Variants in HNRNPM observed in about 807,000 individuals in gnomAD.
HNRNPM encodes the protein CEA receptor.
A neutral mutation model predicts 73.1 loss-of-function variants in HNRNPM; 11 were observed. The ratio of observed to expected loss-of-function variants is 0.15; its 90% CI spans 0.09 to 0.25. The LOEUF (loss-of-function observed/expected upper bound fraction) is 0.25, where lower values mean the gene tolerates loss of function less well. Among genes scored for constraint, HNRNPM ranks in the 10% least tolerant of loss-of-function variants. The pLI, the probability that HNRNPM is intolerant of heterozygous loss-of-function variation, is 1.00. For missense variants in HNRNPM, 789 were observed against 1,067.9 expected (o/e 0.74, Z 3.64); for synonymous variants, 407 against 355.2 (o/e 1.15, Z -1.64).
At chr19:8,479,028 TCAGTTTTGGTTAGGTGG>T (rs1970705845) in intron 12 of HNRNPM, among the ~76,000 whole-genome samples, 1 of 151,920 alleles carries the variant, frequency 6.6e-6, no homozygotes, top group Non-Finnish European at 1.5e-5. Context: ...AATTATTTTT[TCAGTTTTGGTTAGGTGG>T]CAGAGCAATT....
At chr19:8,471,681 A>AT (rs1970150043) in intron 10 of HNRNPM, among the ~76,000 whole-genome samples, 1 of 152,166 alleles carries the variant, frequency 6.6e-6, no homozygotes, top group African/African-American at 2.4e-5. Context: ...TAGTTGTGCC[A>AT]TTTGATAAGA....
Position 8,462,770 on chromosome 19 carries a change from T to C in HNRNPM, c.336+189T>C, listed in dbSNP as rs2145657203. Among the ~76,000 whole-genome samples, 1 of 152,334 alleles carries C rather than the reference T, an allele frequency of 6.6e-6. No homozygotes were observed. Among genetic ancestry groups the C allele is most frequent in the East Asian group, 1.9e-4 (1 of 5,184 alleles). The stretch of plus-strand genomic sequence containing the variant: ...TGGGAGTCCCGCTTTTCCAAATGGC[T>C]GGCCAAAGAGCTTTTTGGTATTCTG... On this transcript the variant is annotated intron_variant, in intron 3 of 15. Transcript: ENST00000325495. The surrounding 1 kb of genome is among the most constrained non-coding windows in gnomAD (Gnocchi z 4.5).
rs1280672752 is a variant in HNRNPM at position 8,455,451 on chromosome 19, A to G, written c.160A>G (p.Ile54Val). The G allele has an allele frequency of 1.2e-6, 2 of 1,614,164 alleles. No homozygotes were observed. Among genetic ancestry groups the G allele is most frequent in the African/African-American group, 1.3e-5 (1 of 75,052 alleles). The change falls in exon 2 of 16, where the codon ATA becomes GTA. Residue 54 changes from isoleucine (I) to valine (V), a missense_variant. Ile to Val is a conservative substitution (Grantham distance 29). Transcript: ENST00000325495. ...GAATGAGAAGAGGAAGGAGAAAAAC[A>G]TAAAAAGAGGAGGCAATCGCTTTGA... is the stretch of plus-strand genomic sequence containing the variant. Reference protein sequence around the residue: ...AQNEKRKEKNIKRGGNRFEPY... With the variant: ...AQNEKRKEKNVKRGGNRFEPY...
At chr19:8,471,536 C>A (rs77034148) in intron 10 of HNRNPM, 109 bp downstream of exon 10, 5,851 of 493,694 alleles carry the variant, frequency 0.012, 78 homozygotes, top group African/African-American at 0.036. Context: ...TTAACTGGGA[C>A]AAAATTCCCT....
chr19:8,484,387 G>T (rs1182455764), intron 13 of HNRNPM, among the ~76,000 whole-genome samples: 1 of 152,098 alleles, frequency 6.6e-6, no homozygotes, highest in Non-Finnish European at 1.5e-5. Flanking sequence ...ATGTTGGCCA[G>T]GCTGGTCGCG....
chr19:8,479,772 A>ATTTTTT (rs869126042), intron 12 of HNRNPM, among the ~76,000 whole-genome samples: 1 of 41,596 alleles, frequency 2.4e-5, no homozygotes, highest in African/African-American at 9.0e-5. Context: ...AAAAAAAAAA[A>ATTTTTT]TTTTTTTTTT....
At chr19:8,470,755 G>T (rs1970072648) in intron 9 of HNRNPM, among the ~76,000 whole-genome samples, 3 of 152,224 alleles carry the variant, frequency 2.0e-5, no homozygotes, top group East Asian at 1.9e-4. Flanking sequence ...GTCCCTGTCT[G>T]TGTTGGTAGG....
At chr19:8,469,287 C>G (rs1004745690) in intron 9 of HNRNPM, among the ~76,000 whole-genome samples, 1 of 152,156 alleles carries the variant, frequency 6.6e-6, no homozygotes, top group Non-Finnish European at 1.5e-5. Context: ...ACAGGAAATG[C>G]TCCGCATAGA....
At chr19:8,485,354 C>G (rs1266065968) in intron 13 of HNRNPM, among the ~76,000 whole-genome samples, 1 of 152,226 alleles carries the variant, frequency 6.6e-6, no homozygotes, top group Non-Finnish European at 1.5e-5. Context: ...GACACACATA[C>G]AGGGGTGTTC....
rs878969398 is a variant in HNRNPM at position 8,489,103 on chromosome 19, G to A, written c.*249G>A. ...GAATATGACTTTGATAATAAATACCGGTTCCTGAAAACGGCCTGCTTGTGT... is the reference window on the plus strand; with the variant it reads ...GAATATGACTTTGATAATAAATACCAGTTCCTGAAAACGGCCTGCTTGTGT... On this transcript the variant is annotated 3_prime_UTR_variant, in exon 16 of 16. Transcript: ENST00000325495. 1.8e-5 allele frequency: 7 copies of A among 393,268 alleles called. No individual in the cohort carries two copies. Among genetic ancestry groups the A allele is most frequent in the South Asian group, 1.1e-4 (4 of 36,110 alleles). 24.4% of individuals were successfully genotyped at this position (393,268 alleles called of 1,614,324 possible). A position where few individuals can be genotyped will look rare whatever the true frequency, so the allele number is the denominator to read the frequency against.
intron 1 of HNRNPM, among the ~76,000 whole-genome samples, chr19:8,455,151 A>AT (rs945949894): frequency 4.0e-5 from 6 of 151,894 alleles, no homozygotes; most frequent in African/African-American, 1.5e-4. Flanking sequence ...TTTTATATAT[A>AT]TTTTTTTGTT....
At chr19:8,479,730 C>T (rs1970768600) in intron 12 of HNRNPM, among the ~76,000 whole-genome samples, 1 of 148,888 alleles carries the variant, frequency 6.7e-6, no homozygotes, top group Non-Finnish European at 1.5e-5. Flanking sequence ...AGGCAACAGC[C>T]ACTATGCCTG....
At chr19:8,477,191 G>A (rs1970573615) in intron 12 of HNRNPM, among the ~76,000 whole-genome samples, 1 of 152,092 alleles carries the variant, frequency 6.6e-6, no homozygotes, top group South Asian at 2.1e-4. Context: ...CAGCATGGGA[G>A]GGAGAGATTC....
At chr19:8,450,641 A>G (rs1348962959) in intron 1 of HNRNPM, among the ~76,000 whole-genome samples, 1 of 151,908 alleles carries the variant, frequency 6.6e-6, no homozygotes, top group Non-Finnish European at 1.5e-5. Context: ...AGCTCAAGTG[A>G]TCCGCCCACC....
intron 7 of HNRNPM, among the ~76,000 whole-genome samples, chr19:8,467,041 G>A (rs1969804851): frequency 6.6e-6 from 1 of 151,118 alleles, no homozygotes; most frequent in South Asian, 2.1e-4. Flanking sequence ...ATCCTTATAG[G>A]ACCTCACTCT....
intron 4 of HNRNPM, 42 bp from the exon 5 acceptor site, chr19:8,463,551 T>G: frequency 6.2e-7 from 1 of 1,612,858 alleles, no homozygotes; most frequent in Non-Finnish European, 8.5e-7. Flanking sequence ...TTCTAACTTG[T>G]AGGACTGGTT....
intron 12 of HNRNPM, among the ~76,000 whole-genome samples, chr19:8,480,235 G>A (rs1435230365): frequency 2.0e-5 from 3 of 148,754 alleles, no homozygotes; most frequent in Non-Finnish European, 4.5e-5. Context: ...AATTAGCCGG[G>A]CATGGTGGCG....
rs368780064 is a variant in HNRNPM at position 8,463,567 on chromosome 19, C to T, written c.345-26C>T. 23 of 1,611,842 alleles carry T rather than the reference C, an allele frequency of 1.4e-5. 1 individual carries two copies. The highest frequency in any genetic ancestry group is 1.3e-4 in the Admixed American group (8 of 60,008). On this transcript the variant is annotated intron_variant, in intron 4 of 15. Coordinates refer to ENST00000325495, the MANE Select transcript of HNRNPM (RefSeq NM_005968.5). ...TCTAACTTGTAGGACTGGTTTCACT[C>T]GACTCGTTTCCTTTTGACTCTATAG...
chr19:8,463,647 C>T lies in HNRNPM; in HGVS notation c.399C>T (p.Asn133=), dbSNP rs1969541080. ...ESMKKAAEVL[N]KHSLSGRPLK... is the part of the protein sequence containing the mutation. Reference sequence around the variant, plus strand: ...TGAAAAAAGCTGCGGAAGTCCTAAACAAGCATAGTCTGAGCGGAAGACCAC... The same window carrying T: ...TGAAAAAAGCTGCGGAAGTCCTAAATAAGCATAGTCTGAGCGGAAGACCAC... Residue 133 remains asparagine (N), a synonymous_variant, in exon 5 of 16, where the codon AAC becomes AAT. Coordinates refer to ENST00000325495, the MANE Select transcript of HNRNPM (RefSeq NM_005968.5). 1.2e-6 allele frequency: 2 copies of T among 1,613,848 alleles called. No homozygotes were observed. Among genetic ancestry groups the T allele is most frequent in the East Asian group, 2.2e-5 (1 of 44,888 alleles).
Sources: allele counts gnomAD v4.1 joint callset (sites outside exome capture counted in the v4.1 genomes callset), GRCh38; gene constraint gnomAD v4.1.1; non-coding constraint Gnocchi (gnomAD v3.1); transcripts MANE v1.5; gene names NCBI Gene and HGNC (gene_info 2026-07-23, HGNC 2026-07-21).